Variants in ADGRV1 observed in about 807,000 individuals in gnomAD.
ADGRV1 encodes adhesion G protein-coupled receptor V1.
Under a neutral mutation model 596.2 loss-of-function variants are expected in ADGRV1, and 359 were observed. The ratio of observed to expected loss-of-function variants is 0.60; its 90% CI spans 0.55 to 0.66. The LOEUF (loss-of-function observed/expected upper bound fraction) is 0.66, where lower values mean the gene tolerates loss of function less well. ADGRV1 is among the 30% of genes least tolerant of loss of function. The pLI, the probability that ADGRV1 is intolerant of heterozygous loss-of-function variation, is 0.00. For synonymous variants in ADGRV1, 2,681 were observed against 2,679.2 expected (o/e 1.00, Z -0.02); for missense variants, 7,274 against 7,575.6 (o/e 0.96, Z 1.48).
At chr5:91,090,253 A>G (rs1743877154) in intron 86 of ADGRV1, among the ~76,000 whole-genome samples, 1 of 152,166 alleles carries the variant, frequency 6.6e-6, no homozygotes, top group Non-Finnish European at 1.5e-5. Flanking sequence ...TTTGAAGTAC[A>G]TGGTTCAAAT....
chr5:90,830,787 C>T (rs1764457892), intron 77 of ADGRV1, among the ~76,000 whole-genome samples: 1 of 152,074 alleles, frequency 6.6e-6, no homozygotes, highest in African/African-American at 2.4e-5. Flanking sequence ...AAACATTATT[C>T]TAAGTGTTTC....
chr5:90,962,825 A>G (rs1337479544), intron 83 of ADGRV1, among the ~76,000 whole-genome samples: 1 of 152,216 alleles, frequency 6.6e-6, no homozygotes, highest in Non-Finnish European at 1.5e-5. Flanking sequence ...AGGAGATTAG[A>G]GTGTAATAAA....
At chr5:90,613,446 A>G (rs533442231) in intron 1 of ADGRV1, among the ~76,000 whole-genome samples, 130 of 151,750 alleles carry the variant, frequency 8.6e-4, no homozygotes, top group Admixed American at 2.8e-3. Context: ...TTTCCCTTCC[A>G]TTTCTCTCAT....
chr5:91,151,026 A>G (rs999050610), intron 88 of ADGRV1, among the ~76,000 whole-genome samples: 1 of 152,138 alleles, frequency 6.6e-6, no homozygotes, highest in African/African-American at 2.4e-5. Flanking sequence ...ATAAGCTCAT[A>G]TTGCCCTCTT....
Position 91,163,805 on chromosome 5 carries a change from A to G in ADGRV1, c.18826A>G (p.Asn6276Asp). Reference sequence around the variant, plus strand: ...AGGTGCTGGTCTCAGTGTCAGTGATAATGAATCTGGTCAAGGCAGCCAGGA... The same window carrying G: ...AGGTGCTGGTCTCAGTGTCAGTGATGATGAATCTGGTCAAGGCAGCCAGGA... Reference protein sequence around the residue: ...KTGAGLSVSDNESGQGSQEGG... With the variant: ...KTGAGLSVSDDESGQGSQEGG... The change falls in exon 90 of 90, where the codon AAT becomes GAT. Residue 6276 changes from asparagine to aspartate, a missense_variant. By Grantham distance (23) the Asn-to-Asp change is conservative. This residue lies in a region of ADGRV1 where 1,874 missense variants were observed against 1,970.2 expected (regional missense o/e 0.95). Coordinates refer to ENST00000405460, the MANE Select transcript of ADGRV1 (RefSeq NM_032119.4). 6.3e-7 allele frequency: 1 copy of G among 1,580,644 alleles called. No homozygotes were observed. Among genetic ancestry groups the G allele is most frequent in the Non-Finnish European group, 8.7e-7 (1 of 1,155,002 alleles).
chr5:91,108,469 A>G (rs1158021439), intron 87 of ADGRV1, among the ~76,000 whole-genome samples: 1 of 7,678 alleles, frequency 1.3e-4, no homozygotes, highest in Non-Finnish European at 2.9e-4. Flanking sequence ...CTCTAAAACT[A>G]TGATTGAAAG....
chr5:90,739,043 T>G (rs1753616135), intron 50 of ADGRV1, among the ~76,000 whole-genome samples: 1 of 152,024 alleles, frequency 6.6e-6, no homozygotes, highest in African/African-American at 2.4e-5. Flanking sequence ...ATCTTTTAAT[T>G]CACTAATTTT....
intron 42 of ADGRV1, among the ~76,000 whole-genome samples, 199 bp from the exon 43 acceptor site, chr5:90,716,268 T>G (rs185879488): frequency 6.6e-6 from 1 of 152,328 alleles, no homozygotes; most frequent in East Asian, 1.9e-4. Flanking sequence ...TATCCCAAGA[T>G]TACTGAGTAT....
intron 21 of ADGRV1, among the ~76,000 whole-genome samples, chr5:90,661,825 A>G (rs943084214): frequency 2.0e-5 from 3 of 152,214 alleles, no homozygotes; most frequent in Non-Finnish European, 4.4e-5. Context: ...CAATTAGATG[A>G]ATATTTTAAT....
chr5:90,779,117 A>G lies in ADGRV1; in HGVS notation c.13082+20A>G, dbSNP rs1206365973. 4 of 1,458,442 alleles carry G rather than the reference A, an allele frequency of 2.7e-6. No homozygotes were observed. In the African/African-American group the frequency reaches 5.6e-5, roughly 20 times the overall value. 90.3% of individuals were successfully genotyped at this position (1,458,442 alleles called of 1,614,324 possible). A position where few individuals can be genotyped will look rare whatever the true frequency, so the allele number is the denominator to read the frequency against. On this transcript the variant is annotated intron_variant, in intron 64 of 89. Coordinates refer to ENST00000405460, the MANE Select transcript of ADGRV1 (RefSeq NM_032119.4). ...GGGAAGGTAAAGGAGAAAGGCAATT[A>G]GGAAAAAGAAAGCAAAGAGCAGAGA...
At chr5:90,871,512 A>G (rs779366625) in intron 83 of ADGRV1, among the ~76,000 whole-genome samples, 2 of 152,230 alleles carry the variant, frequency 1.3e-5, no homozygotes, top group Non-Finnish European at 2.9e-5. Flanking sequence ...CTGAAGTAGC[A>G]AAGCAACAGA....
intron 34 of ADGRV1, among the ~76,000 whole-genome samples, chr5:90,698,794 G>T (rs1329582879): frequency 2.0e-5 from 3 of 152,042 alleles, no homozygotes; most frequent in South Asian, 4.1e-4. Context: ...AATTACCTGA[G>T]AGGAGAGAGA....
At chr5:90,852,681 C>A (rs916526825) in intron 79 of ADGRV1, among the ~76,000 whole-genome samples, 1 of 152,168 alleles carries the variant, frequency 6.6e-6, no homozygotes, top group Non-Finnish European at 1.5e-5. Context: ...GGTTTAGAAG[C>A]AATTTCACTG....
chr5:90,721,525 A>AAATTAAATT lies in ADGRV1; in HGVS notation c.9748+468_9748+469insTTAAATTAA, dbSNP rs1349650939. ...TCTAAAAAATAAAATAAAATAAAAT[A>AAATTAAATT]AAAATAAAAATAAAATAAAATAAAA... is the stretch of plus-strand genomic sequence containing the variant. On this transcript the variant is annotated intron_variant, in intron 45 of 89. Coordinates refer to ENST00000405460, the MANE Select transcript of ADGRV1 (RefSeq NM_032119.4). Among the ~76,000 whole-genome samples, 7 of 80,658 alleles carry AAATTAAATT rather than the reference A, an allele frequency of 8.7e-5. 1 individual carries two copies. The highest frequency in any genetic ancestry group is 1.4e-4 in the Non-Finnish European group (5 of 35,932). 52.9% of individuals were successfully genotyped at this position (80,658 alleles called of 152,430 possible). A position where few individuals can be genotyped will look rare whatever the true frequency, so the allele number is the denominator to read the frequency against.
In ADGRV1 at chr5:90,642,627, C is replaced by A; in HGVS notation, c.2241-9C>A. ...TAGCGGGTGCCATTTGTCTCTCTGACTTCTCTAGGGTTAACGTGGAAAACC... is the reference window on the plus strand; with the variant it reads ...TAGCGGGTGCCATTTGTCTCTCTGAATTCTCTAGGGTTAACGTGGAAAACC... On this transcript the variant is annotated splice_polypyrimidine_tract_variant and intron_variant, in intron 11 of 89. Transcript: ENST00000405460. 1.2e-6 allele frequency: 2 copies of A among 1,607,936 alleles called. No individual in the cohort carries two copies. The highest frequency in any genetic ancestry group is 1.1e-5 in the South Asian group (1 of 89,132).
At chr5:91,071,597 G>A (rs558813928) in intron 85 of ADGRV1, among the ~76,000 whole-genome samples, 6 of 152,242 alleles carry the variant, frequency 3.9e-5, no homozygotes, top group South Asian at 2.1e-4. Flanking sequence ...TGCTGTATGT[G>A]AATTATTTCG....
Position 90,778,374 on chromosome 5 carries a change from T to G in ADGRV1, c.12667-53T>G, listed in dbSNP as rs975399430. On this transcript the variant is annotated intron_variant, in intron 62 of 89. Coordinates refer to ENST00000405460, the MANE Select transcript of ADGRV1 (RefSeq NM_032119.4). Reference sequence around the variant, plus strand: ...TTGTTATTATTTAGAGGTTAGGAGTTTTTCTTGAAATTCCACAGATTCTAC... The same window carrying G: ...TTGTTATTATTTAGAGGTTAGGAGTGTTTCTTGAAATTCCACAGATTCTAC... 13 of 1,488,900 alleles carry G rather than the reference T, an allele frequency of 8.7e-6. No homozygotes were observed. The Admixed American group carries it at 2.4e-4, about 28-fold the overall frequency. 92.2% of individuals were successfully genotyped at this position (1,488,900 alleles called of 1,614,324 possible).
intron 12 of ADGRV1, 38 bp from the exon 13 acceptor site, chr5:90,642,818 C>T (rs760610523): frequency 6.2e-7 from 1 of 1,600,524 alleles, no homozygotes; most frequent in East Asian, 2.2e-5. Flanking sequence ...GAAGAATGAT[C>T]TCAAAGGGTT....
intron 67 of ADGRV1, among the ~76,000 whole-genome samples, chr5:90,784,696 G>A (rs1018587689): frequency 6.6e-5 from 10 of 152,038 alleles, no homozygotes; most frequent in Non-Finnish European, 1.5e-4. Context: ...AGACCAGAGG[G>A]CCCAATAGAT....
Sources: allele counts gnomAD v4.1 joint callset (sites outside exome capture counted in the v4.1 genomes callset), GRCh38; gene constraint gnomAD v4.1.1; regional missense constraint gnomAD v4.1.1; transcripts MANE v1.5; gene names NCBI Gene and HGNC (gene_info 2026-07-23, HGNC 2026-07-21).